Variants in CNGB1 observed in about 807,000 individuals in gnomAD.
CNGB1 encodes cyclic nucleotide gated channel subunit beta 1, also known as cyclic nucleotide-gated channel beta-1.
Under a neutral mutation model 151.7 loss-of-function variants are expected in CNGB1, and 126 were observed. The ratio of observed to expected loss-of-function variants is 0.83; its 90% CI spans 0.72 to 0.96. The LOEUF is 0.96. Among genes scored for constraint, CNGB1 ranks in the 40% least tolerant of loss-of-function variants. CNGB1 has a pLI of 0.00. For missense variants in CNGB1, 1,698 were observed against 1,627.0 expected, an observed-to-expected ratio of 1.04 and a Z score of -0.75; for synonymous variants, 623 against 635.1, an observed-to-expected ratio of 0.98 and a Z score of 0.29.
intron 1 of CNGB1, among the ~76,000 whole-genome samples, chr16:57,968,767 C>T (rs1201675255): frequency 6.6e-6 from 1 of 151,782 alleles, no homozygotes; most frequent in Non-Finnish European, 1.5e-5. Context: ...AGGCTCATGC[C>T]TGTGATCCCA....
intron 31 of CNGB1, among the ~76,000 whole-genome samples, chr16:57,895,938 C>T (rs1374595957): frequency 6.6e-6 from 1 of 152,082 alleles, no homozygotes; most frequent in Non-Finnish European, 1.5e-5. Flanking sequence ...TTCATGGAAT[C>T]AAGTAAATCC....
intron 18 of CNGB1, 191 bp downstream of exon 18, chr16:57,923,082 C>T: frequency 2.1e-6 from 1 of 483,534 alleles, no homozygotes; most frequent in Non-Finnish European, 3.8e-6. Flanking sequence ...GTTGAGCCCA[C>T]TGGATTTAAC....
intron 12 of CNGB1, among the ~76,000 whole-genome samples, chr16:57,956,630 A>G (rs74019736): frequency 0.032 from 4,798 of 152,220 alleles, 249 homozygotes; most frequent in African/African-American, 0.11. Context: ...TCAGGATGGA[A>G]CAGGGGATGC....
At chr16:57,896,818 C>T in intron 31 of CNGB1, among the ~76,000 whole-genome samples, 1 of 151,852 alleles carries the variant, frequency 6.6e-6, no homozygotes, top group East Asian at 1.9e-4. Context: ...TTGGAAAAGC[C>T]TGAGGAACTA....
intron 11 of CNGB1, 102 bp from the exon 12 acceptor site, chr16:57,957,479 G>A (rs540020168): frequency 1.0e-5 from 10 of 970,454 alleles, no homozygotes; most frequent in South Asian, 2.6e-5. Context: ...CCACCTCTCC[G>A]GGCCTTAGTT....
At chr16:57,929,468 A>AGAGG (rs1555490842) in intron 17 of CNGB1, among the ~76,000 whole-genome samples, 1 of 88,612 alleles carries the variant, frequency 1.1e-5, no homozygotes, top group Non-Finnish European at 2.2e-5. Flanking sequence ...AGAGGAAAAG[A>AGAGG]GAGAGAGGGA....
chr16:57,885,557 CCTCT>C lies in CNGB1; in HGVS notation c.3463-1104_3463-1101del, dbSNP rs1220420237. ...TCCTTCCTTCCTTCTTTCCTTCCTTCCTCTCTCTCTCTCTCTCTCTCTTTCTTTC... is the reference window on the plus strand; with the variant it reads ...TCCTTCCTTCCTTCTTTCCTTCCTTCCTCTCTCTCTCTCTCTCTTTCTTTC... On this transcript the variant is annotated intron_variant, in intron 32 of 32. Transcript: ENST00000251102. Among the ~76,000 whole-genome samples, 102 of 97,664 alleles carry C rather than the reference CCTCT, an allele frequency of 1.0e-3. 1 individual carries two copies. In the Middle Eastern group the frequency reaches 0.016, roughly 16 times the overall value. 64.1% of individuals were successfully genotyped at this position (97,664 alleles called of 152,430 possible).
intron 16 of CNGB1, among the ~76,000 whole-genome samples, chr16:57,932,304 G>A (rs971879034): frequency 1.3e-5 from 2 of 152,112 alleles, no homozygotes; most frequent in African/African-American, 4.8e-5. Context: ...TCCCCTCTCT[G>A]AGCTTCAGTT....
At chr16:57,897,606 T>C in intron 30 of CNGB1, 63 bp from the exon 31 acceptor site, 1 of 1,610,452 alleles carries the variant, frequency 6.2e-7, no homozygotes, top group Non-Finnish European at 8.5e-7. Context: ...CATTCAGATC[T>C]TCATTTCCCA....
intron 20 of CNGB1, 109 bp from the exon 21 acceptor site, chr16:57,917,585 C>T (rs1422721265): frequency 5.2e-6 from 5 of 963,406 alleles, no homozygotes; most frequent in African/African-American, 1.6e-5. Context: ...CTACATGTGG[C>T]ACTTTTGTAA....
intron 2 of CNGB1, 62 bp downstream of exon 2, chr16:57,967,066 C>T (rs1254705414): frequency 1.2e-6 from 2 of 1,611,940 alleles, no homozygotes; most frequent in Admixed American, 1.7e-5. Context: ...AGCAGATGGC[C>T]CAAACTGGGA....
intron 31 of CNGB1, among the ~76,000 whole-genome samples, chr16:57,892,759 A>T (rs1960127673): frequency 6.6e-6 from 1 of 152,122 alleles, no homozygotes; most frequent in South Asian, 2.1e-4. Context: ...GGGCCTCTGC[A>T]CATGCTGTTC....
At chr16:57,953,374 A>T (rs1962006671) in intron 12 of CNGB1, among the ~76,000 whole-genome samples, 1 of 151,870 alleles carries the variant, frequency 6.6e-6, no homozygotes, top group Non-Finnish European at 1.5e-5. Flanking sequence ...GCACACTTGT[A>T]GTCCTAGCTA....
intron 4 of CNGB1, 43 bp downstream of exon 4, chr16:57,964,087 G>C (rs1279086025): frequency 1.3e-6 from 2 of 1,593,352 alleles, no homozygotes; most frequent in African/African-American, 2.7e-5. Context: ...AGGGTAGTTG[G>C]GAGGCGGGCT....
At chr16:57,957,936 C>T (rs1427314650) in intron 11 of CNGB1, among the ~76,000 whole-genome samples, 1 of 152,160 alleles carries the variant, frequency 6.6e-6, no homozygotes, top group Non-Finnish European at 1.5e-5. Flanking sequence ...AAAAAAGGGC[C>T]AGGTTCCCGG....
At chr16:57,967,081 C>G in intron 2 of CNGB1, 47 bp downstream of exon 2, 1 of 1,613,432 alleles carries the variant, frequency 6.2e-7, no homozygotes, top group Non-Finnish European at 8.5e-7. Context: ...CTGGGAAGAC[C>G]CTGAGCAGCG....
chr16:57,942,939 T>C (rs932109206), intron 14 of CNGB1, among the ~76,000 whole-genome samples: 1 of 150,558 alleles, frequency 6.6e-6, no homozygotes, highest in Non-Finnish European at 1.5e-5. Context: ...AACCAATATA[T>C]AAAATATAGG....
In CNGB1 at chr16:57,883,592, T is replaced by TG. The variant is rs1276457239; in HGVS notation, c.*571dup. On this transcript the variant is annotated 3_prime_UTR_variant, in exon 33 of 33. Transcript: ENST00000251102. ...TGGCTATTGTTTTTTTGTTTGTTTTTGTTTTTGTTTGAGATGAGGTCTCGC... is the reference window on the plus strand; with the variant it reads ...TGGCTATTGTTTTTTTGTTTGTTTTTGGTTTTTGTTTGAGATGAGGTCTCGC... The TG allele has an allele frequency of 1.2e-5, 2 of 164,318 alleles. No individual in the cohort carries two copies. The highest frequency in any genetic ancestry group is 4.8e-5 in the African/African-American group (2 of 41,488). The allele number at this position is 164,318 out of a possible 1,614,324, so 10.2% of individuals were successfully genotyped here.
intron 12 of CNGB1, among the ~76,000 whole-genome samples, chr16:57,953,491 CT>C (rs1448791729): frequency 9.8e-6 from 1 of 101,648 alleles, no homozygotes; most frequent in South Asian, 3.2e-4. Flanking sequence ...AAGGCTCAAT[CT>C]TAAAAAAAAA....
Sources: allele counts gnomAD v4.1 joint callset (sites outside exome capture counted in the v4.1 genomes callset), GRCh38; gene constraint gnomAD v4.1.1; transcripts MANE v1.5; gene names NCBI Gene and HGNC (gene_info 2026-07-23, HGNC 2026-07-21).